Variants in MAPDA observed in about 807,000 individuals in gnomAD.
MAPDA encodes the protein N6-Methyl-AMP deaminase, also known as N6,N6-dimethyl-AMP deaminase.
the MAPDA span, chr15:43,350,882 C>A: frequency 7.3e-7 from 1 of 1,373,846 alleles, no homozygotes; most frequent in Non-Finnish European, 1.0e-6. Context: ...ACTTGGTGAA[C>A]ACTGAATGAG....
the MAPDA span, chr15:43,353,258 A>G: frequency 6.8e-6 from 1 of 147,898 alleles, no homozygotes; most frequent in Non-Finnish European, 1.5e-5. Context: ...ACAAACTAAG[A>G]TAGTTCTGAA....
chr15:43,332,455 G>A, the MAPDA span: 1 of 151,964 alleles, frequency 6.6e-6, no homozygotes, highest in Non-Finnish European at 1.5e-5. Context: ...TTAATGACAG[G>A]TTCCTAAAAT....
chr15:43,338,951 C>T, the MAPDA span, among the ~76,000 whole-genome samples: 18 of 152,368 alleles, frequency 1.2e-4, no homozygotes, highest in South Asian at 3.7e-3. Flanking sequence ...AAAAGGACTA[C>T]TATTTCAAAC....
At chr15:43,340,333 C>T in the MAPDA span, 2 of 1,613,926 alleles carry the variant, frequency 1.2e-6, no homozygotes, top group Non-Finnish European at 1.7e-6. Context: ...GGAGCACACC[C>T]AGAAGAGAAA....
chr15:43,335,098 T>C, the MAPDA span: 1 of 1,613,476 alleles, frequency 6.2e-7, no homozygotes, highest in Non-Finnish European at 8.5e-7. Context: ...ATCATTTTTT[T>C]CCTGCTAAAA....
chr15:43,350,597 C>CA, the MAPDA span, among the ~76,000 whole-genome samples: 2 of 152,078 alleles, frequency 1.3e-5, no homozygotes, highest in Non-Finnish European at 2.9e-5. Context: ...AGTAGCTTTT[C>CA]AAAAAACCCT....
chr15:43,335,121 A>C, the MAPDA span: 1 of 1,614,046 alleles, frequency 6.2e-7, no homozygotes, highest in South Asian at 1.1e-5. Context: ...ATAGAGGCAG[A>C]AGAGCAACAG....
the MAPDA span, chr15:43,330,613 C>G: frequency 2.5e-5 from 29 of 1,160,266 alleles, no homozygotes; most frequent in African/African-American, 4.4e-4. Context: ...CCCCTTCCGC[C>G]GGCACTTGTG....
the MAPDA span, among the ~76,000 whole-genome samples, chr15:43,338,588 A>AG: frequency 6.6e-6 from 1 of 152,146 alleles, no homozygotes. Flanking sequence ...AGTCTTAGAG[A>AG]GGTTTGAGTA....
At chr15:43,340,438 A>G in the MAPDA span, 4 of 1,111,744 alleles carry the variant, frequency 3.6e-6, no homozygotes, top group East Asian at 2.4e-5. Context: ...AATATGAAGC[A>G]CTAACTTTTA....
the MAPDA span, chr15:43,333,315 C>G: frequency 5.9e-5 from 9 of 151,714 alleles, no homozygotes; most frequent in African/African-American, 2.2e-4. Flanking sequence ...GCTTAGGAGG[C>G]TGAAGTGGGA....
the MAPDA span, among the ~76,000 whole-genome samples, chr15:43,345,372 A>T: frequency 7.9e-6 from 1 of 127,284 alleles, no homozygotes; most frequent in Non-Finnish European, 1.6e-5. Flanking sequence ...AAAAAAAAAA[A>T]TAGGACAACA....
the MAPDA span, among the ~76,000 whole-genome samples, chr15:43,337,541 G>A: frequency 1.3e-5 from 2 of 152,164 alleles, no homozygotes; most frequent in Non-Finnish European, 2.9e-5. Context: ...CTGTATCATT[G>A]ATCTGACTAG....
chr15:43,335,078 G>A, the MAPDA span: 30 of 1,608,376 alleles, frequency 1.9e-5, no homozygotes, highest in African/African-American at 3.7e-4. Context: ...AAGAATAAGA[G>A]TGGAGAAGAA....
At chr15:43,351,145 G>A in the MAPDA span, 1 of 1,153,630 alleles carries the variant, frequency 8.7e-7, no homozygotes, top group African/African-American at 1.5e-5. Flanking sequence ...TGAGGATAAT[G>A]CCCAAGTAGA....
chr15:43,337,239 G>A, the MAPDA span, among the ~76,000 whole-genome samples: 8 of 138,058 alleles, frequency 5.8e-5, no homozygotes, highest in African/African-American at 1.4e-4. Context: ...TCGCGCCACC[G>A]CACTCCAGCC....
chr15:43,342,968 A>C, the MAPDA span: 63 of 1,482,150 alleles, frequency 4.3e-5, 1 homozygote, highest in South Asian at 7.6e-4. Flanking sequence ...ATCTCTTTAC[A>C]TGTATTTTCT....
chr15:43,336,036 G>T, the MAPDA span, among the ~76,000 whole-genome samples: 1 of 151,938 alleles, frequency 6.6e-6, no homozygotes, highest in Non-Finnish European at 1.5e-5. Flanking sequence ...AGTTATATTG[G>T]GATATTCTTT....
At chr15:43,333,143 C>T in the MAPDA span, among the ~76,000 whole-genome samples, 13 of 152,060 alleles carry the variant, frequency 8.5e-5, no homozygotes, top group Non-Finnish European at 1.6e-4. Flanking sequence ...AAAATCTGGC[C>T]GGGCGCAGTG....
Sources: allele counts gnomAD v4.1 joint callset (sites outside exome capture counted in the v4.1 genomes callset), GRCh38; gene constraint gnomAD v4.1.1; transcripts MANE v1.5; gene names NCBI Gene and HGNC (gene_info 2026-07-23, HGNC 2026-07-21).